Variants in ANKRD30B observed in about 807,000 individuals in gnomAD.
ANKRD30B encodes ankyrin repeat domain 30B, also known as ankyrin repeat domain-containing protein 30B.
Under a neutral mutation model 202.2 loss-of-function variants are expected in ANKRD30B, and 144 were observed. The observed-to-expected ratio is 0.71, with a 90% CI of 0.62 to 0.82. The LOEUF is 0.82. ANKRD30B is among the 40% of genes least tolerant of loss of function. The probability of loss-of-function intolerance (pLI) is 0.00; values close to 1 mark genes in which losing one functional copy is unlikely to be tolerated. For missense variants in ANKRD30B, 1,487 were observed against 1,669.1 expected (o/e 0.89, Z 1.90); for synonymous variants, 508 against 561.3 (o/e 0.91, Z 1.34).
At chr18:14,846,004 C>T (rs1468619082) in intron 39 of ANKRD30B, among the ~76,000 whole-genome samples, 8 of 151,982 alleles carry the variant, frequency 5.3e-5, no homozygotes, top group African/African-American at 1.9e-4. Flanking sequence ...ATTGCAAGGA[C>T]AAAGACATTC....
chr18:14,903,959 T>A, the ANKRD30B span, among the ~76,000 whole-genome samples: 1 of 152,248 alleles, frequency 6.6e-6, no homozygotes, highest in Non-Finnish European at 1.5e-5. Context: ...TGATATATAC[T>A]TGTCCCTGGC....
chr18:14,877,648 G>T, the ANKRD30B span: 1 of 151,916 alleles, frequency 6.6e-6, no homozygotes, highest in East Asian at 1.9e-4. Context: ...AGAAAACTGA[G>T]GCTCAGAGGT....
At chr18:14,837,358 T>G (rs966385351) in intron 35 of ANKRD30B, 69 bp downstream of exon 35, 137 of 1,371,308 alleles carry the variant, frequency 1.0e-4, no homozygotes, top group Non-Finnish European at 1.3e-4. Context: ...TCTGAAAATT[T>G]TTCTATGTTT....
the ANKRD30B span, among the ~76,000 whole-genome samples, chr18:14,891,711 C>T: frequency 3.3e-5 from 5 of 152,252 alleles, no homozygotes; most frequent in South Asian, 6.2e-4. Context: ...GATGTTGATG[C>T]ATTCATGTAA....
the ANKRD30B span, among the ~76,000 whole-genome samples, chr18:14,885,399 G>A: frequency 1.3e-5 from 2 of 151,986 alleles, no homozygotes; most frequent in East Asian, 3.9e-4. Context: ...TTTAATTGCA[G>A]TCATTGTCAT....
chr18:14,938,620 AACAG>A, the ANKRD30B span, among the ~76,000 whole-genome samples: 1 of 152,210 alleles, frequency 6.6e-6, no homozygotes, highest in Non-Finnish European at 1.5e-5. Flanking sequence ...CAGTACTAAT[AACAG>A]ACAGGACTTG....
chr18:14,908,530 G>A, the ANKRD30B span, among the ~76,000 whole-genome samples: 2 of 152,136 alleles, frequency 1.3e-5, no homozygotes, highest in African/African-American at 2.4e-5. Context: ...GCCACTCTGC[G>A]CCTCACTGTG....
the ANKRD30B span, among the ~76,000 whole-genome samples, chr18:14,918,962 T>C: frequency 6.6e-6 from 1 of 152,322 alleles, no homozygotes; most frequent in East Asian, 1.9e-4. Flanking sequence ...CCATTCCAGC[T>C]TCTGCCATGT....
chr18:14,805,124 A>T (rs564735207), intron 24 of ANKRD30B, among the ~76,000 whole-genome samples: 1 of 150,692 alleles, frequency 6.6e-6, no homozygotes, highest in Non-Finnish European at 1.5e-5. Context: ...ACATACTAGA[A>T]TGTAAGAACC....
the ANKRD30B span, among the ~76,000 whole-genome samples, chr18:14,925,976 G>A: frequency 2.0e-5 from 3 of 152,164 alleles, no homozygotes; most frequent in Non-Finnish European, 2.9e-5. Context: ...TTTGTGAAGT[G>A]TACTTATAAA....
the ANKRD30B span, among the ~76,000 whole-genome samples, chr18:14,925,482 A>G: frequency 6.6e-6 from 1 of 152,226 alleles, no homozygotes; most frequent in Non-Finnish European, 1.5e-5. Flanking sequence ...ATGGAGACTT[A>G]TCTACAGCCT....
chr18:14,787,454 G>T (rs1358943138), intron 15 of ANKRD30B, among the ~76,000 whole-genome samples: 1 of 152,122 alleles, frequency 6.6e-6, no homozygotes, highest in East Asian at 1.9e-4. Flanking sequence ...ATATCTAGAT[G>T]TACAAAAGTT....
chr18:14,769,737 CA>C (rs1476783346), intron 8 of ANKRD30B, among the ~76,000 whole-genome samples: 1 of 152,188 alleles, frequency 6.6e-6, no homozygotes, highest in East Asian at 1.9e-4. Context: ...CAGATTGGAT[CA>C]ATTCACAAAG....
chr18:14,789,703 A>G (rs1488287156), intron 15 of ANKRD30B, among the ~76,000 whole-genome samples: 1 of 152,006 alleles, frequency 6.6e-6, no homozygotes, highest in Non-Finnish European at 1.5e-5. Flanking sequence ...ATAGTTCTAG[A>G]TATGCACCAT....
At chr18:14,882,440 C>T in the ANKRD30B span, among the ~76,000 whole-genome samples, 1 of 152,156 alleles carries the variant, frequency 6.6e-6, no homozygotes, top group Non-Finnish European at 1.5e-5. Flanking sequence ...AGTTGATTTT[C>T]AGTTTTGTTC....
chr18:14,778,625 A>G (rs1967528211), intron 10 of ANKRD30B, among the ~76,000 whole-genome samples: 1 of 152,242 alleles, frequency 6.6e-6, no homozygotes, highest in Non-Finnish European at 1.5e-5. Flanking sequence ...CTGTGCGTGT[A>G]TATAATTTGT....
chr18:14,908,777 TC>T, the ANKRD30B span, among the ~76,000 whole-genome samples: 2 of 152,160 alleles, frequency 1.3e-5, no homozygotes, highest in Non-Finnish European at 2.9e-5. Flanking sequence ...ATTGCTGGAT[TC>T]CAGGCCTCGG....
rs529968783 is a variant in ANKRD30B, at chr18:14,763,727, G to A, written c.862G>A (p.Ala288Thr). The change falls in exon 7 of 44, where the codon GCG (alanine) becomes ACG (threonine). Residue 288 changes from alanine (A) to threonine (T), a missense_variant. This residue lies in a region of ANKRD30B where 889 missense variants were observed against 841.4 expected (regional missense o/e 1.06). Coordinates refer to ENST00000690538, the MANE Select transcript of ANKRD30B (RefSeq NM_001367607.2). ...TGTPDEAAPL[A>T]ERTPDTAESL... is the part of the protein sequence containing the mutation. ...AACACCTGATGAGGCTGCACCCTTG[G>A]CGGAAAGAACACCTGACACGGCTGA... The A allele has an allele frequency of 1.5e-5, 25 of 1,614,066 alleles. No homozygotes were observed. In the African/African-American group the frequency reaches 1.7e-4, roughly 11 times the overall value.
chr18:14,913,289 C>T, the ANKRD30B span, among the ~76,000 whole-genome samples: 1 of 152,190 alleles, frequency 6.6e-6, no homozygotes, highest in South Asian at 2.1e-4. Flanking sequence ...CAACCATTCA[C>T]AGCAGCTGGC....
Sources: gnomAD v4.1 joint callset for allele counts (sites outside exome capture counted in the v4.1 genomes callset) on GRCh38, gnomAD v4.1.1 for gene constraint, gnomAD v4.1.1 regional missense constraint, MANE v1.5 for transcripts, NCBI Gene and HGNC (gene_info 2026-07-23, HGNC 2026-07-21) for gene names.